The following POFUT3 variants were observed in gnomAD, a reference collection of about 807,000 sequenced individuals.
POFUT3 encodes the protein protein O-fucosyltransferase 3.
chr8:33,314,775 T>C, the POFUT3 span, among the ~76,000 whole-genome samples: 26 of 152,272 alleles, frequency 1.7e-4, no homozygotes, highest in East Asian at 4.8e-3. Context: ...CTGAGCTCAG[T>C]TGCATGACCT....
chr8:33,309,138 T>TAAAA, the POFUT3 span, among the ~76,000 whole-genome samples: 14 of 41,684 alleles, frequency 3.4e-4, no homozygotes, highest in African/African-American at 5.5e-4. Flanking sequence ...CTGGGGAGTG[T>TAAAA]AAAAAAAAAA....
the POFUT3 span, among the ~76,000 whole-genome samples, chr8:33,335,149 ATATG>A: frequency 9.0e-6 from 1 of 110,624 alleles, no homozygotes; most frequent in Non-Finnish European, 1.8e-5. Flanking sequence ...AAAAAGAAAT[ATATG>A]TGTGTGTGTG....
the POFUT3 span, among the ~76,000 whole-genome samples, chr8:33,345,826 CTT>C: frequency 6.1e-4 from 84 of 137,592 alleles, no homozygotes; most frequent in South Asian, 1.2e-3. Flanking sequence ...GTATTTATTA[CTT>C]TTTTTTTTTT....
At chr8:33,312,090 C>T in the POFUT3 span, among the ~76,000 whole-genome samples, 2 of 151,894 alleles carry the variant, frequency 1.3e-5, no homozygotes, top group Admixed American at 6.6e-5. Context: ...GGTGAAACCC[C>T]GTCTCCACTA....
the POFUT3 span, among the ~76,000 whole-genome samples, chr8:33,458,453 G>A: frequency 3.3e-5 from 5 of 152,060 alleles, no homozygotes; most frequent in Admixed American, 6.5e-5. Context: ...GGTGGCTCAC[G>A]CCTGTAATAC....
chr8:33,405,848 AAGCAG>A, the POFUT3 span, among the ~76,000 whole-genome samples: 1 of 152,248 alleles, frequency 6.6e-6, no homozygotes, highest in Non-Finnish European at 1.5e-5. Context: ...ATTTTGTTAA[AAGCAG>A]AGCAAAGTCC....
chr8:33,405,898 C>T, the POFUT3 span, among the ~76,000 whole-genome samples: 1 of 152,178 alleles, frequency 6.6e-6, no homozygotes, highest in African/African-American at 2.4e-5. Context: ...ATTTAATTAA[C>T]TATGTTTACT....
the POFUT3 span, chr8:33,436,361 A>G: frequency 1.5e-6 from 2 of 1,364,884 alleles, no homozygotes; most frequent in Non-Finnish European, 2.1e-6. Context: ...AGAAGGCATC[A>G]TCTTTCATGA....
At chr8:33,331,750 A>G in the POFUT3 span, among the ~76,000 whole-genome samples, 2 of 151,288 alleles carry the variant, frequency 1.3e-5, no homozygotes, top group African/African-American at 2.4e-5. Context: ...ATCTCGGCTC[A>G]CTGCAAGCTC....
the POFUT3 span, among the ~76,000 whole-genome samples, chr8:33,378,556 G>A: frequency 1.5e-3 from 222 of 152,238 alleles, no homozygotes; most frequent in Non-Finnish European, 2.8e-3. Flanking sequence ...ACCTGCCTGA[G>A]GCTGTGAAGA....
the POFUT3 span, among the ~76,000 whole-genome samples, chr8:33,435,207 T>C: frequency 3.3e-5 from 5 of 149,558 alleles, no homozygotes; most frequent in Non-Finnish European, 7.4e-5. Flanking sequence ...TTAATTTTAT[T>C]TAGTTTTTAA....
At chr8:33,324,731 C>A in the POFUT3 span, among the ~76,000 whole-genome samples, 7 of 151,830 alleles carry the variant, frequency 4.6e-5, no homozygotes, top group Non-Finnish European at 8.8e-5. Context: ...CAACCCCACT[C>A]TTCTCCCACA....
the POFUT3 span, among the ~76,000 whole-genome samples, chr8:33,468,239 CAA>C: frequency 0.041 from 5,057 of 124,668 alleles, 241 homozygotes; most frequent in African/African-American, 0.12. Flanking sequence ...AACTGTGTCT[CAA>C]AAAAAAAAAA....
chr8:33,422,288 A>T, the POFUT3 span, among the ~76,000 whole-genome samples: 2 of 151,426 alleles, frequency 1.3e-5, no homozygotes, highest in Non-Finnish European at 2.9e-5. Flanking sequence ...CCCGCCTGTA[A>T]TCCCAGCACT....
the POFUT3 span, among the ~76,000 whole-genome samples, chr8:33,403,158 G>A: frequency 6.6e-6 from 1 of 151,966 alleles, no homozygotes; most frequent in African/African-American, 2.4e-5. Context: ...AGGAAAGGGG[G>A]TAGAAAGAAA....
chr8:33,440,508 T>C, the POFUT3 span, among the ~76,000 whole-genome samples: 1 of 152,314 alleles, frequency 6.6e-6, no homozygotes, highest in East Asian at 1.9e-4. Flanking sequence ...AATAGGTTTT[T>C]AGATGCCAGT....
At chr8:33,439,644 G>A in the POFUT3 span, among the ~76,000 whole-genome samples, 1 of 151,776 alleles carries the variant, frequency 6.6e-6, no homozygotes, top group East Asian at 2.0e-4. Flanking sequence ...GAGGTGGGTG[G>A]ATCACAAGGT....
chr8:33,387,717 T>C, the POFUT3 span, among the ~76,000 whole-genome samples: 1 of 152,126 alleles, frequency 6.6e-6, no homozygotes, highest in Non-Finnish European at 1.5e-5. Flanking sequence ...GGCACAAGAA[T>C]TGCTTGAACC....
chr8:33,426,884 A>C, the POFUT3 span, among the ~76,000 whole-genome samples: 1 of 152,192 alleles, frequency 6.6e-6, no homozygotes, highest in African/African-American at 2.4e-5. Context: ...GTGAGGACTC[A>C]GCCCCACTCA....
Sources: gnomAD v4.1 joint callset for allele counts (sites outside exome capture counted in the v4.1 genomes callset) on GRCh38, gnomAD v4.1.1 for gene constraint, MANE v1.5 for transcripts, NCBI Gene and HGNC (gene_info 2026-07-23, HGNC 2026-07-21) for gene names.